Variants in CBR4 observed in about 807,000 individuals in gnomAD.
The protein encoded by CBR4 is carbonyl reductase 4.
A neutral mutation model predicts 21.0 loss-of-function variants in CBR4; 22 were observed. The ratio of observed to expected loss-of-function variants is 1.05; its 90% CI spans 0.75 to 1.50. The LOEUF is 1.50. Among genes scored for constraint, CBR4 ranks in the 40% most tolerant of loss-of-function variants. The pLI, the probability that CBR4 is intolerant of heterozygous loss-of-function variation, is 0.00. For synonymous variants in CBR4, 100 were observed against 104.4 expected (o/e 0.96, Z 0.26); for missense variants, 302 against 286.3 (o/e 1.05, Z -0.40).
At chr4:168,957,807 G>A (rs1371235944) in intron 2 of CBR4, among the ~76,000 whole-genome samples, 5 of 152,106 alleles carry the variant, frequency 3.3e-5, no homozygotes, top group Non-Finnish European at 5.9e-5. Context: ...TCGTGGAAGG[G>A]ACCCAGTGGG....
chr4:168,994,723 C>A (rs891495848), intron 4 of CBR4, among the ~76,000 whole-genome samples: 1 of 146,938 alleles, frequency 6.8e-6, no homozygotes, highest in African/African-American at 2.5e-5. Flanking sequence ...GGACAACAGG[C>A]GCCTACCACC....
intron 2 of CBR4, among the ~76,000 whole-genome samples, chr4:168,918,053 G>A (rs1582173491): frequency 6.6e-6 from 1 of 152,016 alleles, no homozygotes; most frequent in Non-Finnish European, 1.5e-5. Context: ...GCTAAAATTA[G>A]CCAGGTGTGG....
chr4:168,894,536 A>G (rs1560871986), intron 3 of CBR4: 4 of 1,310,308 alleles, frequency 3.1e-6, no homozygotes, highest in Middle Eastern at 3.6e-4. Context: ...CATATTTGTG[A>G]TTTTTTTCTA....
At chr4:168,919,919 C>G (rs1761086809) in intron 2 of CBR4, among the ~76,000 whole-genome samples, 1 of 152,118 alleles carries the variant, frequency 6.6e-6, no homozygotes, top group Admixed American at 6.5e-5. Flanking sequence ...TTCTCTTTGC[C>G]CTAGCATGAG....
At chr4:168,938,265 C>T (rs181557643) in intron 2 of CBR4, among the ~76,000 whole-genome samples, 3 of 152,082 alleles carry the variant, frequency 2.0e-5, no homozygotes, top group Admixed American at 6.5e-5. Flanking sequence ...TTGAAACTAA[C>T]GAGAACAAAG....
At chr4:168,947,523 T>C (rs981816895) in intron 2 of CBR4, among the ~76,000 whole-genome samples, 6 of 152,290 alleles carry the variant, frequency 3.9e-5, no homozygotes, top group African/African-American at 1.4e-4. Context: ...TGTAATCGTT[T>C]ATTCCTCACC....
rs1429576160 is a variant in CBR4, at chr4:168,990,270, A to C, written c.594T>G (p.Ile198Met). The change falls in exon 5 of 5, where the codon ATT becomes ATG. Residue 198 changes from isoleucine (I) to methionine (M), a missense_variant. Ile to Met is a conservative substitution (Grantham distance 10). Coordinates refer to ENST00000306193, the MANE Select transcript of CBR4 (RefSeq NM_032783.5). ...DLKEEHLKKN[I>M]PLGRFGETIE... is the part of the protein sequence containing the mutation. ...TAGTTTCTCCAAACCTCCCAAGAGG[A>C]ATATTTTTCTTTAAATGTTCTTCTT... The C allele has an allele frequency of 6.2e-7, 1 of 1,612,484 alleles. No individual in the cohort carries two copies. The highest frequency in any genetic ancestry group is 1.7e-5 in the Admixed American group (1 of 59,864).
intron 2 of CBR4, among the ~76,000 whole-genome samples, chr4:168,928,653 C>G (rs951229535): frequency 6.6e-6 from 1 of 152,212 alleles, no homozygotes; most frequent in Admixed American, 6.5e-5. Context: ...AGATCCTCTT[C>G]AAAATTCAAG....
rs187394659 is a variant in CBR4 at position 168,905,236 on chromosome 4, C to T, written n.170-10471G>A. Among the ~76,000 whole-genome samples, 764 of 145,356 alleles carry T rather than the reference C, an allele frequency of 5.3e-3. 2 individuals are homozygous for T. Among genetic ancestry groups the T allele is most frequent in the African/African-American group, 0.016 (636 of 39,576 alleles). On this transcript the variant is annotated intron_variant and non_coding_transcript_variant, in intron 2 of 3. Coordinates refer to the CBR4 transcript ENST00000509108. The stretch of plus-strand genomic sequence containing the variant: ...CGCGATCTCGGCTCACTGCAAGCTC[C>T]GCCTCCTGCGTTCACACCATTCTCC...
chr4:168,953,573 C>T (rs1763605903), intron 2 of CBR4, among the ~76,000 whole-genome samples: 1 of 151,768 alleles, frequency 6.6e-6, no homozygotes, highest in African/African-American at 2.4e-5. Flanking sequence ...CCACAGCATG[C>T]ACCACCTGCA....
chr4:168,940,742 T>A (rs1019758809), intron 2 of CBR4, among the ~76,000 whole-genome samples: 2 of 152,224 alleles, frequency 1.3e-5, no homozygotes, highest in Admixed American at 6.5e-5. Flanking sequence ...AGATATCTCA[T>A]GCCAGTTAAA....
intron 2 of CBR4, among the ~76,000 whole-genome samples, chr4:168,921,218 C>G (rs1487030297): frequency 6.6e-6 from 1 of 151,834 alleles, no homozygotes; most frequent in South Asian, 2.1e-4. Flanking sequence ...CCAGCCCGGC[C>G]AACATAGTGA....
intron 4 of CBR4, among the ~76,000 whole-genome samples, chr4:168,999,568 A>G (rs1053506818): frequency 2.0e-5 from 3 of 150,918 alleles, no homozygotes. Flanking sequence ...ATATATAAAT[A>G]TATATTATGC....
chr4:168,928,609 G>C (rs1025555000), intron 2 of CBR4, among the ~76,000 whole-genome samples: 1 of 152,166 alleles, frequency 6.6e-6, no homozygotes, highest in Non-Finnish European at 1.5e-5. Flanking sequence ...TAAAATCATT[G>C]TATCAGCTGG....
chr4:168,969,070 G>T (rs141973404), intron 2 of CBR4, among the ~76,000 whole-genome samples: 38 of 152,294 alleles, frequency 2.5e-4, no homozygotes, highest in African/African-American at 8.4e-4. Context: ...AGCCACTGTG[G>T]TGTTTTGGGT....
chr4:168,954,644 A>C (rs1179667070), intron 2 of CBR4, among the ~76,000 whole-genome samples: 9 of 152,224 alleles, frequency 5.9e-5, no homozygotes, highest in African/African-American at 2.2e-4. Flanking sequence ...CAAATACTGA[A>C]GGTCTCAAAT....
Position 168,987,882 on chromosome 4 carries a change from T to A in CBR4, c.*2268A>T. Reference sequence around the variant, plus strand: ...AACCATAAATTGAATATGAATAAAATATGAAAAAGAGCACAAATTTTAAAG... The same window carrying A: ...AACCATAAATTGAATATGAATAAAAAATGAAAAAGAGCACAAATTTTAAAG... On this transcript the variant is annotated 3_prime_UTR_variant, in exon 5 of 5. Coordinates refer to ENST00000306193, the MANE Select transcript of CBR4 (RefSeq NM_032783.5). The A allele has an allele frequency of 1.0e-6, 1 of 981,240 alleles. No individual in the cohort carries two copies. Among genetic ancestry groups the A allele is most frequent in the Non-Finnish European group, 1.2e-6 (1 of 826,246 alleles). 60.8% of individuals were successfully genotyped at this position (981,240 alleles called of 1,614,324 possible).
chr4:168,980,005 T>G (rs1764495122), intron 2 of CBR4, among the ~76,000 whole-genome samples: 1 of 152,120 alleles, frequency 6.6e-6, no homozygotes, highest in African/African-American at 2.4e-5. Flanking sequence ...CCCCCCCAGC[T>G]TGGGCCCACA....
At chr4:168,921,398 A>G in intron 2 of CBR4, 1 of 568,554 alleles carries the variant, frequency 1.8e-6, no homozygotes. Context: ...TAAGAGTGAA[A>G]CTCTGTCCAA....
Sources: gnomAD v4.1 joint callset for allele counts (sites outside exome capture counted in the v4.1 genomes callset) on GRCh38, gnomAD v4.1.1 for gene constraint, MANE v1.5 for transcripts, NCBI Gene and HGNC (gene_info 2026-07-23, HGNC 2026-07-21) for gene names.